Variants in SCAF8 observed in about 807,000 individuals in gnomAD.
SCAF8 encodes SR-related and CTD-associated factor 8.
Under a neutral mutation model 140.5 loss-of-function variants are expected in SCAF8, and 23 were observed. That is an observed-to-expected ratio of 0.16 (90% CI 0.12 to 0.23). The LOEUF is 0.23. Ranked by LOEUF, SCAF8 falls within the 10% of genes least tolerant of loss-of-function variation. SCAF8 has a pLI of 1.00. For synonymous variants in SCAF8, 575 were observed against 528.9 expected (o/e 1.09, Z -1.20); for missense variants, 1,397 against 1,555.7 (o/e 0.90, Z 1.72).
intron 5 of SCAF8, among the ~76,000 whole-genome samples, chr6:154,794,459 C>T (rs1185755907): frequency 6.6e-6 from 1 of 151,836 alleles, no homozygotes; most frequent in Non-Finnish European, 1.5e-5. Flanking sequence ...GAGTATAGTA[C>T]AATAAGATAT....
chr6:154,735,494 T>C (rs1778390696), intron 1 of SCAF8, among the ~76,000 whole-genome samples: 1 of 150,870 alleles, frequency 6.6e-6, no homozygotes. Context: ...CATTGATAAA[T>C]TAGAGCAATA....
chr6:154,784,120 G>GATATATATATATATATATATATATAT (rs72135986), intron 3 of SCAF8, among the ~76,000 whole-genome samples: 5 of 106,882 alleles, frequency 4.7e-5, no homozygotes, highest in Admixed American at 1.1e-4. Flanking sequence ...GGTGTCTTGA[G>GATATATATATATATATATATATATAT]ATATATATAT....
At chr6:154,771,841 G>A (rs1207509085) in intron 1 of SCAF8, among the ~76,000 whole-genome samples, 4 of 152,134 alleles carry the variant, frequency 2.6e-5, no homozygotes, top group African/African-American at 9.7e-5. Context: ...AATACACCCA[G>A]TGACAAACCT....
Position 154,818,568 on chromosome 6 carries a change from T to C in SCAF8, c.1611T>C (p.Tyr537=). 1 of 1,600,268 alleles carries C rather than the reference T, an allele frequency of 6.2e-7. No individual in the cohort carries two copies. The highest frequency in any genetic ancestry group is 8.5e-7 in the Non-Finnish European group (1 of 1,171,550). Residue 537 remains tyrosine (Y), a synonymous_variant, in exon 14 of 20, where the codon TAT becomes TAC. Coordinates refer to ENST00000367178, the MANE Select transcript of SCAF8 (RefSeq NM_014892.5). ...RALQKLSSGS[Y]KIGSKVIKIA... Reference sequence around the variant, plus strand: ...TTCAGAAACTCAGTTCTGGATCATATAAAATTGGGTCCAAGGTCATTAAGG... The same window carrying C: ...TTCAGAAACTCAGTTCTGGATCATACAAAATTGGGTCCAAGGTCATTAAGG...
intron 18 of SCAF8, among the ~76,000 whole-genome samples, chr6:154,827,601 A>G (rs190608384): frequency 2.6e-5 from 4 of 152,256 alleles, no homozygotes; most frequent in Admixed American, 6.5e-5. Context: ...CATTCTGTAT[A>G]TAAGAGCTTA....
intron 6 of SCAF8, among the ~76,000 whole-genome samples, chr6:154,799,846 G>A (rs1777718835): frequency 1.3e-5 from 2 of 151,024 alleles, no homozygotes; most frequent in African/African-American, 2.4e-5. Context: ...TGTAATTGGC[G>A]CAATCTCGGC....
At chr6:154,827,756 G>C (rs1778605798) in intron 18 of SCAF8, among the ~76,000 whole-genome samples, 1 of 147,808 alleles carries the variant, frequency 6.8e-6, no homozygotes, top group Admixed American at 6.8e-5. Flanking sequence ...AAATGCTGTA[G>C]GATTGGTATT....
chr6:154,820,499 T>C (rs1213712560), intron 15 of SCAF8, among the ~76,000 whole-genome samples, 166 bp downstream of exon 15: 1 of 152,206 alleles, frequency 6.6e-6, no homozygotes, highest in Non-Finnish European at 1.5e-5. Context: ...TGGGACCTAT[T>C]TTAATAGATG....
intron 1 of SCAF8, among the ~76,000 whole-genome samples, chr6:154,758,421 A>G (rs1273658484): frequency 6.6e-6 from 1 of 152,052 alleles, no homozygotes; most frequent in East Asian, 1.9e-4. Context: ...TTTCCACTCC[A>G]GTTAGTCTAG....
At chr6:154,749,399 T>G (rs1240880544) in intron 1 of SCAF8, among the ~76,000 whole-genome samples, 1 of 152,084 alleles carries the variant, frequency 6.6e-6, no homozygotes, top group Non-Finnish European at 1.5e-5. Context: ...TTGCTGGTTG[T>G]TTGAGCTTTG....
In SCAF8 at chr6:154,764,678, A is replaced by T. The variant is rs547292262; in HGVS notation, c.31-9311A>T. 6.6e-5 allele frequency among the ~76,000 whole-genome samples: 10 copies of T among 152,220 alleles called. No individual in the cohort carries two copies. The South Asian group carries it at 1.7e-3, about 25-fold the overall frequency. ...CTGATAAGATGGAAACCTGTAGAGA[A>T]CACTGGGTAGCTGGAGAGCCCAAGC... On this transcript the variant is annotated intron_variant, in intron 1 of 19. Coordinates refer to ENST00000367178, the MANE Select transcript of SCAF8 (RefSeq NM_014892.5).
At chr6:154,770,470 T>G (rs1583019609) in intron 1 of SCAF8, among the ~76,000 whole-genome samples, 1 of 148,366 alleles carries the variant, frequency 6.7e-6, no homozygotes, top group Admixed American at 6.8e-5. Flanking sequence ...ACTTGAGAGG[T>G]TGAGGTAGGA....
At chr6:154,796,380 T>TCC (rs1298229166) in intron 6 of SCAF8, among the ~76,000 whole-genome samples, 1 of 142,846 alleles carries the variant, frequency 7.0e-6, no homozygotes, top group African/African-American at 2.8e-5. Flanking sequence ...TCTCTCTCTC[T>TCC]CTCTCTCTCT....
At chr6:154,742,159 TAA>T (rs1778586044) in intron 1 of SCAF8, 1 of 554,752 alleles carries the variant, frequency 1.8e-6, no homozygotes. Flanking sequence ...TTGGTAGTCT[TAA>T]AAGAGAGCGT....
At chr6:154,779,492 A>G (rs925906405) in intron 3 of SCAF8, among the ~76,000 whole-genome samples, 1 of 152,178 alleles carries the variant, frequency 6.6e-6, no homozygotes, top group Non-Finnish European at 1.5e-5. Context: ...TTCTTTACAA[A>G]CCACAATTTG....
At chr6:154,782,417 T>TCAAAACAAAACAAAA (rs200726820) in intron 3 of SCAF8, among the ~76,000 whole-genome samples, 88 of 151,828 alleles carry the variant, frequency 5.8e-4, no homozygotes, top group African/African-American at 2.1e-3. Context: ...AGAGCTTGTC[T>TCAAAACAAAACAAAA]CAAAACAAAA....
intron 3 of SCAF8, among the ~76,000 whole-genome samples, chr6:154,784,841 T>A (rs577644449): frequency 2.6e-5 from 4 of 152,186 alleles, no homozygotes; most frequent in Non-Finnish European, 5.9e-5. Flanking sequence ...TATGTACATC[T>A]GTAGAAAAGT....
intron 3 of SCAF8, among the ~76,000 whole-genome samples, chr6:154,780,640 A>G (rs1042252859): frequency 1.3e-5 from 2 of 150,642 alleles, no homozygotes; most frequent in Non-Finnish European, 2.9e-5. Context: ...TTCTGTTCCT[A>G]TGTTAGTTTG....
At chr6:154,823,997 C>G (rs936189478) in intron 16 of SCAF8, among the ~76,000 whole-genome samples, 1 of 152,144 alleles carries the variant, frequency 6.6e-6, no homozygotes. Context: ...CATTAGTTTA[C>G]ATCACTTGAA....
Sources: allele counts gnomAD v4.1 joint callset (sites outside exome capture counted in the v4.1 genomes callset), GRCh38; gene constraint gnomAD v4.1.1; transcripts MANE v1.5; gene names NCBI Gene and HGNC (gene_info 2026-07-23, HGNC 2026-07-21).